The following EPHA3 variants were observed in gnomAD, a reference collection of about 807,000 sequenced individuals.
The protein encoded by EPHA3 is EPH receptor A3.
Under a neutral mutation model 107.1 loss-of-function variants are expected in EPHA3, and 42 were observed. The observed-to-expected ratio is 0.39, with a 90% confidence interval of 0.31 to 0.51. EPHA3 has a LOEUF of 0.51. EPHA3 is among the 20% of genes least tolerant of loss of function. The pLI, the probability that EPHA3 is intolerant of heterozygous loss-of-function variation, is 0.78. For synonymous variants in EPHA3, 461 were observed against 424.8 expected (o/e 1.09, Z -1.05); for missense variants, 1,183 against 1,211.2 (o/e 0.98, Z 0.35).
intron 1 of EPHA3, among the ~76,000 whole-genome samples, chr3:89,108,817 T>C (rs1707032548): frequency 6.6e-6 from 1 of 152,184 alleles, no homozygotes; most frequent in South Asian, 2.1e-4. Flanking sequence ...CTCTAAATAA[T>C]TGATTAGTGT....
chr3:89,408,139 T>C lies in EPHA3; in HGVS notation c.1762+8T>C, dbSNP rs749180333. The C allele has an allele frequency of 1.4e-5, 23 of 1,612,348 alleles. No individual in the cohort carries two copies. The Admixed American group carries it at 3.8e-4, about 27-fold the overall frequency. On this transcript the variant is annotated splice_region_variant and intron_variant, in intron 9 of 16. Transcript: ENST00000336596. ...ATTTTGGCAATGGGCATTGTAAGTT[T>C]CTAAACTTGGCTTTTTGTTTTGCTT...
chr3:89,123,094 T>C (rs1432726059), intron 1 of EPHA3, among the ~76,000 whole-genome samples: 1 of 152,148 alleles, frequency 6.6e-6, no homozygotes, highest in African/African-American at 2.4e-5. Context: ...AAGTACTTAT[T>C]ACCAATTTGA....
intron 3 of EPHA3, among the ~76,000 whole-genome samples, chr3:89,221,991 T>TAC (rs1704388471): frequency 6.6e-6 from 1 of 152,094 alleles, no homozygotes; most frequent in South Asian, 2.1e-4. Flanking sequence ...TTCTTTAACA[T>TAC]AGGATTAGGT....
chr3:89,399,542 C>T (rs1446642083), intron 7 of EPHA3, 62 bp downstream of exon 7: 13 of 1,585,828 alleles, frequency 8.2e-6, no homozygotes, highest in African/African-American at 4.0e-5. Context: ...GATGTCTGAT[C>T]GTTTATTCTC....
chr3:89,407,963 G>A (rs1380892165), intron 8 of EPHA3, 104 bp from the exon 9 acceptor site: 11 of 1,120,186 alleles, frequency 9.8e-6, no homozygotes, highest in Non-Finnish European at 1.4e-5. Flanking sequence ...GCATTTAATT[G>A]TTTGAGGAAA....
chr3:89,267,238 A>G (rs1190111097), intron 3 of EPHA3, among the ~76,000 whole-genome samples: 1 of 152,146 alleles, frequency 6.6e-6, no homozygotes, highest in Non-Finnish European at 1.5e-5. Flanking sequence ...TTATAGTATC[A>G]ATGATAGAAA....
intron 3 of EPHA3, among the ~76,000 whole-genome samples, chr3:89,291,674 T>C (rs555482795): frequency 3.3e-5 from 5 of 152,174 alleles, no homozygotes; most frequent in Non-Finnish European, 5.9e-5. Flanking sequence ...ATTAAATTGC[T>C]AACTGAGGGC....
intron 3 of EPHA3, among the ~76,000 whole-genome samples, chr3:89,244,494 C>T (rs558261642): frequency 3.3e-5 from 5 of 152,012 alleles, no homozygotes; most frequent in Middle Eastern, 3.5e-3. Flanking sequence ...TTTATACTAT[C>T]CATTAAATTT....
intron 3 of EPHA3, among the ~76,000 whole-genome samples, chr3:89,219,811 C>T (rs1704325164): frequency 7.1e-6 from 1 of 140,552 alleles, no homozygotes; most frequent in Non-Finnish European, 1.5e-5. Flanking sequence ...CGGGTTCACG[C>T]CATTCTCCTG....
chr3:89,222,491 T>C (rs888572206), intron 3 of EPHA3, among the ~76,000 whole-genome samples: 2 of 148,538 alleles, frequency 1.3e-5, no homozygotes, highest in African/African-American at 4.9e-5. Flanking sequence ...CAAAATAATA[T>C]ATGTATTATA....
intron 3 of EPHA3, among the ~76,000 whole-genome samples, chr3:89,269,650 T>A: frequency 6.6e-6 from 1 of 150,812 alleles, no homozygotes; most frequent in African/African-American, 2.4e-5. Context: ...CATGTGCACA[T>A]TGTGCAGGTT....
chr3:89,330,654 A>C (rs1165763894), intron 3 of EPHA3, among the ~76,000 whole-genome samples: 1 of 152,114 alleles, frequency 6.6e-6, no homozygotes, highest in Non-Finnish European at 1.5e-5. Context: ...ACCATTTTTC[A>C]AAGTTCCAGT....
At chr3:89,136,905 G>C (rs1704326547) in intron 2 of EPHA3, among the ~76,000 whole-genome samples, 1 of 151,722 alleles carries the variant, frequency 6.6e-6, no homozygotes, top group Admixed American at 6.6e-5. Context: ...TTCTGCTTCT[G>C]CTAGTTTCTC....
chr3:89,191,357 A>G (rs1377311853), intron 2 of EPHA3, among the ~76,000 whole-genome samples: 5 of 151,458 alleles, frequency 3.3e-5, no homozygotes, highest in African/African-American at 4.9e-5. Context: ...CCCAGGCTGG[A>G]GTGCTGTGGC....
At chr3:89,273,964 G>A (rs573575395) in intron 3 of EPHA3, among the ~76,000 whole-genome samples, 4 of 151,906 alleles carry the variant, frequency 2.6e-5, no homozygotes, top group Non-Finnish European at 5.9e-5. Flanking sequence ...GAAAAATGAG[G>A]CACTAAATAG....
chr3:89,379,974 C>T (rs2107482737), intron 5 of EPHA3, among the ~76,000 whole-genome samples: 1 of 152,296 alleles, frequency 6.6e-6, no homozygotes, highest in Non-Finnish European at 1.5e-5. Flanking sequence ...TAGGACCTCT[C>T]TTTCTGCTTC....
At chr3:89,393,057 A>G (rs1559678632) in intron 5 of EPHA3, among the ~76,000 whole-genome samples, 1 of 152,184 alleles carries the variant, frequency 6.6e-6, no homozygotes, top group Admixed American at 6.5e-5. Context: ...GATGAGTATT[A>G]AAAAGTACCG....
intron 2 of EPHA3, among the ~76,000 whole-genome samples, chr3:89,148,607 G>T (rs1345083317): frequency 6.6e-6 from 1 of 151,932 alleles, no homozygotes; most frequent in African/African-American, 2.4e-5. Flanking sequence ...TTTAAACTTT[G>T]TGATGACATA....
intron 2 of EPHA3, among the ~76,000 whole-genome samples, chr3:89,183,593 A>G (rs1292071249): frequency 1.3e-5 from 2 of 151,922 alleles, no homozygotes; most frequent in Non-Finnish European, 2.9e-5. Flanking sequence ...ACACACACAC[A>G]TGGCCTCCAA....
Sources: gnomAD v4.1 joint callset for allele counts (sites outside exome capture counted in the v4.1 genomes callset) on GRCh38, gnomAD v4.1.1 for gene constraint, MANE v1.5 for transcripts, NCBI Gene and HGNC (gene_info 2026-07-23, HGNC 2026-07-21) for gene names.